The following PAQR5 variants were observed in gnomAD, a reference collection of about 807,000 sequenced individuals.
PAQR5 encodes the protein progestin and adipoQ receptor family member 5.
A neutral mutation model predicts 34.5 loss-of-function variants in PAQR5; 20 were observed. The observed-to-expected ratio is 0.58, with a 90% CI of 0.41 to 0.84. The LOEUF (loss-of-function observed/expected upper bound fraction) is 0.84. PAQR5 is among the 40% of genes least tolerant of loss of function. The probability of loss-of-function intolerance (pLI) is 0.00; values close to 1 mark genes in which losing one functional copy is unlikely to be tolerated. For missense variants in PAQR5, 378 were observed against 412.7 expected (o/e 0.92, Z 0.73); for synonymous variants, 131 against 155.6 (o/e 0.84, Z 1.18).
chr15:69,386,728 C>T (rs2056121108), intron 5 of PAQR5, among the ~76,000 whole-genome samples: 1 of 151,954 alleles, frequency 6.6e-6, no homozygotes, highest in African/African-American at 2.4e-5. Flanking sequence ...TCCGGCTCCC[C>T]AGAGATCTCC....
intron 1 of PAQR5, among the ~76,000 whole-genome samples, chr15:69,328,121 C>G (rs913832112): frequency 2.0e-5 from 3 of 152,136 alleles, no homozygotes; most frequent in African/African-American, 7.2e-5. Flanking sequence ...CAGGTCCTGT[C>G]ATTCAGGAAT....
intron 6 of PAQR5, among the ~76,000 whole-genome samples, chr15:69,394,528 G>T (rs558379749): frequency 1.0e-3 from 152 of 152,360 alleles, no homozygotes; most frequent in Non-Finnish European, 1.9e-3. Flanking sequence ...TCAAGCCCTA[G>T]TTCCGGAATT....
chr15:69,334,917 G>A (rs2054475835), intron 1 of PAQR5, among the ~76,000 whole-genome samples: 1 of 152,156 alleles, frequency 6.6e-6, no homozygotes, highest in Admixed American at 6.5e-5. Context: ...GTATAAACAA[G>A]TTGGCTAAGA....
chr15:69,358,632 C>CTTTTTTTT (rs1567019143), intron 2 of PAQR5, among the ~76,000 whole-genome samples: 2 of 6,566 alleles, frequency 3.0e-4, no homozygotes, highest in Admixed American at 1.7e-3. Flanking sequence ...AGCTCTGTGG[C>CTTTTTTTT]ATTTTTTTTT....
chr15:69,362,571 T>A (rs1179599838), intron 3 of PAQR5, among the ~76,000 whole-genome samples: 1 of 152,238 alleles, frequency 6.6e-6, no homozygotes, highest in Non-Finnish European at 1.5e-5. Flanking sequence ...TACTTGGTTT[T>A]TAGAGTGGCC....
At chr15:69,391,564 T>G in intron 6 of PAQR5, 1 of 435,888 alleles carries the variant, frequency 2.3e-6, no homozygotes, top group Non-Finnish European at 4.6e-6. Context: ...GAGACCTGGG[T>G]GCATGGGCTT....
chr15:69,370,438 GT>G (rs1285794060), intron 3 of PAQR5, among the ~76,000 whole-genome samples: 2 of 152,176 alleles, frequency 1.3e-5, no homozygotes, highest in Admixed American at 6.5e-5. Context: ...ATACTTAAAA[GT>G]TATAAATGAA....
chr15:69,342,606 C>T (rs1262132146), intron 2 of PAQR5, among the ~76,000 whole-genome samples: 1 of 152,174 alleles, frequency 6.6e-6, no homozygotes, highest in Non-Finnish European at 1.5e-5. Context: ...TGCCTCCCTC[C>T]ATCGTCCCCC....
chr15:69,351,145 A>G (rs2054907531), intron 2 of PAQR5, among the ~76,000 whole-genome samples: 1 of 152,238 alleles, frequency 6.6e-6, no homozygotes, highest in African/African-American at 2.4e-5. Flanking sequence ...TATGGTGGAA[A>G]TGGCCAAATG....
At chr15:69,338,131 T>C (rs1399281926) in intron 2 of PAQR5, among the ~76,000 whole-genome samples, 1 of 152,052 alleles carries the variant, frequency 6.6e-6, no homozygotes, top group African/African-American at 2.4e-5. Flanking sequence ...AAAAAGATTG[T>C]TGTGGGAGGA....
At chr15:69,307,876 G>C (rs1276241523) in intron 1 of PAQR5, among the ~76,000 whole-genome samples, 2 of 152,218 alleles carry the variant, frequency 1.3e-5, no homozygotes, top group African/African-American at 4.8e-5. Flanking sequence ...TTGTTGGCTG[G>C]GTTGATGGTG....
intron 1 of PAQR5, among the ~76,000 whole-genome samples, chr15:69,333,182 C>T (rs1030316580): frequency 6.6e-6 from 1 of 151,826 alleles, no homozygotes; most frequent in Non-Finnish European, 1.5e-5. Flanking sequence ...CCTAAGATAA[C>T]TTCTGGTAGC....
At chr15:69,329,558 C>T (rs1461343960) in intron 1 of PAQR5, among the ~76,000 whole-genome samples, 1 of 138,266 alleles carries the variant, frequency 7.2e-6, no homozygotes, top group African/African-American at 2.7e-5. Flanking sequence ...AATCTTGGCT[C>T]ACTGCAACCT....
intron 2 of PAQR5, among the ~76,000 whole-genome samples, chr15:69,350,727 C>T (rs2054895770): frequency 6.6e-6 from 1 of 152,100 alleles, no homozygotes. Context: ...CACAGACTCA[C>T]AGTACCTCAA....
intron 2 of PAQR5, among the ~76,000 whole-genome samples, chr15:69,348,051 A>G (rs1394757809): frequency 6.6e-6 from 1 of 152,152 alleles, no homozygotes; most frequent in Non-Finnish European, 1.5e-5. Context: ...GCAGGGGTCC[A>G]TGGACCACCA....
At chr15:69,307,681 A>C (rs182732619) in intron 1 of PAQR5, among the ~76,000 whole-genome samples, 90 of 152,352 alleles carry the variant, frequency 5.9e-4, no homozygotes, top group Admixed American at 1.5e-3. Context: ...GAAGTGAGAC[A>C]GGCTGATGGT....
chr15:69,394,023 C>T (rs2056342624), intron 6 of PAQR5, among the ~76,000 whole-genome samples: 1 of 152,110 alleles, frequency 6.6e-6, no homozygotes, highest in Admixed American at 6.5e-5. Flanking sequence ...CCACTCCCTT[C>T]AGGAATGTCA....
intron 3 of PAQR5, among the ~76,000 whole-genome samples, chr15:69,371,448 A>G (rs1342463178): frequency 1.3e-5 from 2 of 152,110 alleles, no homozygotes; most frequent in African/African-American, 4.8e-5. Flanking sequence ...TGCTATCTTT[A>G]CTCCCTCAAA....
intron 2 of PAQR5, among the ~76,000 whole-genome samples, chr15:69,341,548 T>C (rs1332895711): frequency 1.3e-5 from 2 of 152,010 alleles, no homozygotes; most frequent in Non-Finnish European, 2.9e-5. Context: ...GGCTGAGTAA[T>C]ATCCTGTAGT....
Sources: allele counts gnomAD v4.1 joint callset (sites outside exome capture counted in the v4.1 genomes callset), GRCh38; gene constraint gnomAD v4.1.1; transcripts MANE v1.5; gene names NCBI Gene and HGNC (gene_info 2026-07-23, HGNC 2026-07-21).